Variants in SGMS1 observed in about 807,000 individuals in gnomAD.
The protein encoded by SGMS1 is phosphatidylcholine:ceramide cholinephosphotransferase 1.
SGMS1 carries 13 observed loss-of-function variants against 46.2 expected under a neutral mutation model. The ratio of observed to expected loss-of-function variants is 0.28; its 90% CI spans 0.18 to 0.45. SGMS1 has a LOEUF of 0.45. SGMS1 is among the 20% of genes least tolerant of loss of function. The pLI, the probability that SGMS1 is intolerant of heterozygous loss-of-function variation, is 1.00. For missense variants in SGMS1, 324 were observed against 519.9 expected (o/e 0.62, Z 3.66); for synonymous variants, 203 against 187.8 (o/e 1.08, Z -0.66).
chr10:50,539,983 T>C (rs919820570), intron 2 of SGMS1, among the ~76,000 whole-genome samples: 5 of 152,184 alleles, frequency 3.3e-5, no homozygotes, highest in Non-Finnish European at 7.4e-5. Flanking sequence ...TGATTATTTA[T>C]GTCAAAGCAT....
chr10:50,511,992 T>A (rs1270500742), intron 3 of SGMS1, among the ~76,000 whole-genome samples: 1 of 152,098 alleles, frequency 6.6e-6, no homozygotes, highest in Non-Finnish European at 1.5e-5. Context: ...ACGCACACAG[T>A]AGATGTCAAT....
chr10:50,438,162 T>A (rs1849498134), intron 5 of SGMS1, among the ~76,000 whole-genome samples: 1 of 152,226 alleles, frequency 6.6e-6, no homozygotes, highest in Non-Finnish European at 1.5e-5. Flanking sequence ...GACTCTAAAG[T>A]GGCCCCCTTG....
intron 3 of SGMS1, among the ~76,000 whole-genome samples, chr10:50,516,920 A>G (rs1837811205): frequency 6.6e-6 from 1 of 152,200 alleles, no homozygotes; most frequent in Admixed American, 6.5e-5. Context: ...TTCCTGAGCA[A>G]AGAACACTCA....
chr10:50,425,625 C>T (rs906264555), intron 6 of SGMS1, among the ~76,000 whole-genome samples: 1 of 152,110 alleles, frequency 6.6e-6, no homozygotes, highest in Non-Finnish European at 1.5e-5. Flanking sequence ...AGGCTGAAAA[C>T]CCACCTATTG....
chr10:50,527,228 A>G (rs1837912199), intron 2 of SGMS1, among the ~76,000 whole-genome samples: 1 of 152,150 alleles, frequency 6.6e-6, no homozygotes, highest in African/African-American at 2.4e-5. Flanking sequence ...GAAAGTCAAA[A>G]TGAAAATGGT....
chr10:50,407,687 T>C (rs1184913055), intron 6 of SGMS1, among the ~76,000 whole-genome samples: 2 of 152,022 alleles, frequency 1.3e-5, no homozygotes. Context: ...TACAATAGAA[T>C]GGGTGCCTAT....
At chr10:50,326,136 T>C (rs562461705) in intron 8 of SGMS1, among the ~76,000 whole-genome samples, 10 of 151,488 alleles carry the variant, frequency 6.6e-5, no homozygotes, top group Non-Finnish European at 1.3e-4. Context: ...GGTAAGGAAG[T>C]AGTGTGTAGC....
rs565336643 is a variant in SGMS1, at chr10:50,591,874, T to C, written c.-683-1627A>G. On this transcript the variant is annotated intron_variant, in intron 1 of 10. Coordinates refer to ENST00000361781, the MANE Select transcript of SGMS1 (RefSeq NM_147156.4). ...CCCTACTTGGCGCTTCATCTGCTAA[T>C]CACCAGAATTCTGTAGACACAGAGA... Among the ~76,000 whole-genome samples the C allele has an allele frequency of 7.2e-5, 11 of 152,338 alleles. 1 individual carries two copies. In the South Asian group the frequency reaches 1.9e-3, roughly 26 times the overall value.
At chr10:50,339,682 G>C (rs1187104141) in intron 7 of SGMS1, among the ~76,000 whole-genome samples, 1 of 152,234 alleles carries the variant, frequency 6.6e-6, no homozygotes, top group African/African-American at 2.4e-5. Context: ...ATGAATGAAT[G>C]AATTTCAGGT....
At chr10:50,410,711 G>T (rs1205605958) in intron 6 of SGMS1, among the ~76,000 whole-genome samples, 1 of 152,210 alleles carries the variant, frequency 6.6e-6, no homozygotes, top group Non-Finnish European at 1.5e-5. Context: ...TTGGAACTTA[G>T]GCAGATTTCA....
At chr10:50,310,473 G>T (rs558063931) in intron 9 of SGMS1, among the ~76,000 whole-genome samples, 1 of 152,272 alleles carries the variant, frequency 6.6e-6, no homozygotes, top group South Asian at 2.1e-4. Flanking sequence ...AACATAATTT[G>T]AGGGTAAATA....
chr10:50,321,218 G>A (rs1373031943), intron 8 of SGMS1, among the ~76,000 whole-genome samples: 1 of 152,144 alleles, frequency 6.6e-6, no homozygotes, highest in Non-Finnish European at 1.5e-5. Flanking sequence ...AATATAAGGA[G>A]ATATGAATAA....
At chr10:50,316,368 A>C (rs918975483) in intron 8 of SGMS1, among the ~76,000 whole-genome samples, 1 of 152,226 alleles carries the variant, frequency 6.6e-6, no homozygotes, top group Non-Finnish European at 1.5e-5. Flanking sequence ...TCAGCAAGGC[A>C]GACCCTATCT....
chr10:50,526,809 G>A (rs1174706812), intron 2 of SGMS1, among the ~76,000 whole-genome samples: 2 of 152,118 alleles, frequency 1.3e-5, no homozygotes, highest in Non-Finnish European at 2.9e-5. Context: ...GCTCACGCCT[G>A]TAATCATAGC....
At chr10:50,334,687 T>G (rs1399471939) in intron 7 of SGMS1, 1 of 152,222 alleles carries the variant, frequency 6.6e-6, no homozygotes, top group Non-Finnish European at 1.5e-5. Context: ...ATTCACACAA[T>G]GAATATACAT....
intron 4 of SGMS1, among the ~76,000 whole-genome samples, chr10:50,462,659 G>A (rs955264410): frequency 6.6e-6 from 1 of 152,148 alleles, no homozygotes; most frequent in African/African-American, 2.4e-5. Flanking sequence ...AGATTTGGGG[G>A]TTATAGATGG....
At chr10:50,377,969 G>T (rs904225110) in intron 6 of SGMS1, among the ~76,000 whole-genome samples, 1 of 152,154 alleles carries the variant, frequency 6.6e-6, no homozygotes, top group Admixed American at 6.5e-5. Context: ...GGATAATGCA[G>T]GATAAGCTCC....
chr10:50,446,012 T>C (rs1342860073), intron 5 of SGMS1, among the ~76,000 whole-genome samples: 1 of 152,186 alleles, frequency 6.6e-6, no homozygotes. Flanking sequence ...TCTCCCCTAG[T>C]GCTCCCAGGC....
At chr10:50,449,640 C>CGT (rs10581530) in intron 5 of SGMS1, among the ~76,000 whole-genome samples, 46,083 of 150,018 alleles carry the variant, frequency 0.31, 7,125 homozygotes, top group Admixed American at 0.35. Context: ...AGTGTGTGCA[C>CGT]GTGTGTGTGT....
Sources: allele counts gnomAD v4.1 joint callset (sites outside exome capture counted in the v4.1 genomes callset), GRCh38; gene constraint gnomAD v4.1.1; transcripts MANE v1.5; gene names NCBI Gene and HGNC (gene_info 2026-07-23, HGNC 2026-07-21).